The following HUNK variants were observed in gnomAD, a reference collection of about 807,000 sequenced individuals.
HUNK encodes hormonally up-regulated Neu-associated kinase.
Under a neutral mutation model 61.0 loss-of-function variants are expected in HUNK, and 21 were observed. The ratio of observed to expected loss-of-function variants is 0.34; its 90% CI spans 0.24 to 0.50. The LOEUF (loss-of-function observed/expected upper bound fraction) is 0.50, where lower values mean the gene tolerates loss of function less well. HUNK is among the 20% of genes least tolerant of loss of function. HUNK has a pLI of 0.98. For synonymous variants in HUNK, 371 were observed against 386.1 expected (o/e 0.96, Z 0.46); for missense variants, 772 against 945.7 (o/e 0.82, Z 2.41).
intron 2 of HUNK, among the ~76,000 whole-genome samples, chr21:31,930,286 A>T (rs1211275873): frequency 6.6e-6 from 1 of 152,208 alleles, no homozygotes; most frequent in Admixed American, 6.5e-5. Flanking sequence ...AGGATTAAAT[A>T]AGTCAATCTG....
Position 31,992,249 on chromosome 21 carries a change from C to T in HUNK, c.1305+2073C>T, listed in dbSNP as rs1235323303. On this transcript the variant is annotated intron_variant, in intron 9 of 10. Coordinates refer to ENST00000270112, the MANE Select transcript of HUNK (RefSeq NM_014586.2). ...CAGGGAAGACTCTGAAGGGAACCAGCTCTCTGGAGCTCAGACCTCAGAGGC... is the reference window on the plus strand; with the variant it reads ...CAGGGAAGACTCTGAAGGGAACCAGTTCTCTGGAGCTCAGACCTCAGAGGC... Among the ~76,000 whole-genome samples the T allele has an allele frequency of 2.0e-5, 3 of 152,226 alleles. No individual in the cohort carries two copies. In the South Asian group the frequency reaches 6.2e-4, roughly 32 times the overall value.
At chr21:31,970,046 A>C (rs1342561553) in intron 6 of HUNK, among the ~76,000 whole-genome samples, 1 of 152,102 alleles carries the variant, frequency 6.6e-6, no homozygotes, top group Non-Finnish European at 1.5e-5. Context: ...TGCACATTTG[A>C]CCAGGCTTGG....
intron 2 of HUNK, among the ~76,000 whole-genome samples, chr21:31,926,358 A>G (rs1449264602): frequency 6.6e-6 from 1 of 152,222 alleles, no homozygotes; most frequent in African/African-American, 2.4e-5. Context: ...TTTATATACT[A>G]TAAAAGTCAC....
In HUNK at chr21:32,001,687, T is replaced by C. The variant is rs546471244; in HGVS notation, c.*2503T>C. 15 of 152,136 alleles carry C rather than the reference T, an allele frequency of 9.9e-5. No homozygotes were observed. The highest frequency in any genetic ancestry group is 3.4e-4 in the African/African-American group (14 of 41,250). 9.4% of individuals were successfully genotyped at this position (152,136 alleles called of 1,614,324 possible). On this transcript the variant is annotated 3_prime_UTR_variant, in exon 11 of 11. Coordinates refer to ENST00000270112, the MANE Select transcript of HUNK (RefSeq NM_014586.2). ...TGTGTGTGTGTGAGCACCTGACAAA[T>C]CTATGAAACCGAGTGAAAGGAGAAA...
chr21:31,919,846 C>T lies in HUNK; in HGVS notation c.262-4622C>T, dbSNP rs183721802. Among the ~76,000 whole-genome samples, 30 of 152,264 alleles carry T rather than the reference C, an allele frequency of 2.0e-4. No individual in the cohort carries two copies. The East Asian group carries it at 5.6e-3, about 28-fold the overall frequency. On this transcript the variant is annotated intron_variant, in intron 1 of 10. Transcript: ENST00000270112. The stretch of plus-strand genomic sequence containing the variant: ...TGCCGGTGAAAGGTGGCGTCATTCC[C>T]CACTGCCAAGGAGGGTCTCTCCATG...
rs2053240624 is a variant in HUNK, at chr21:32,000,792, C to G, written c.*1608C>G. The G allele has an allele frequency of 2.5e-6, 1 of 398,468 alleles. No individual in the cohort carries two copies. The highest frequency in any genetic ancestry group is 4.4e-6 in the Non-Finnish European group (1 of 226,084). The allele number at this position is 398,468 out of a possible 1,614,324, so 24.7% of individuals were successfully genotyped here. The stretch of plus-strand genomic sequence containing the variant: ...CACCAGTGGTGACATCCTTCAGTCC[C>G]TCACATCTCTGACAGAGCGGGACAG... On this transcript the variant is annotated 3_prime_UTR_variant, in exon 11 of 11. Transcript: ENST00000270112.
At chr21:31,920,020 A>C (rs982266946) in intron 1 of HUNK, among the ~76,000 whole-genome samples, 2 of 152,170 alleles carry the variant, frequency 1.3e-5, no homozygotes, top group African/African-American at 4.8e-5. Flanking sequence ...CAGAAGTCTT[A>C]AAAAGTATTG....
intron 6 of HUNK, among the ~76,000 whole-genome samples, chr21:31,972,711 G>A (rs958966143): frequency 1.7e-4 from 26 of 152,146 alleles, no homozygotes; most frequent in African/African-American, 3.4e-4. Flanking sequence ...GCCAGTAATC[G>A]TGCCAATCCC....
rs530437405 is a variant in HUNK at position 31,913,829 on chromosome 21, G to A, written c.262-10639G>A. Reference sequence around the variant, plus strand: ...TGGGACCTGGGAGGGCAAGCAGGGTGTGAGAGGTCAGCAGGGAGAGTAGCC... The same window carrying A: ...TGGGACCTGGGAGGGCAAGCAGGGTATGAGAGGTCAGCAGGGAGAGTAGCC... On this transcript the variant is annotated intron_variant, in intron 1 of 10. Coordinates refer to ENST00000270112, the MANE Select transcript of HUNK (RefSeq NM_014586.2). 2.6e-5 allele frequency among the ~76,000 whole-genome samples: 4 copies of A among 152,082 alleles called. No individual in the cohort carries two copies. In the East Asian group the frequency reaches 7.8e-4, roughly 30 times the overall value.
At chr21:31,958,821 A>C (rs780860525) in intron 4 of HUNK, 22 bp from the exon 5 acceptor site, 1 of 1,559,820 alleles carries the variant, frequency 6.4e-7, no homozygotes, top group East Asian at 2.3e-5. Context: ...CTCCGCTTTC[A>C]TGTGTATGTC....
At chr21:31,989,280 T>C (rs1481354261) in intron 8 of HUNK, among the ~76,000 whole-genome samples, 1 of 152,216 alleles carries the variant, frequency 6.6e-6, no homozygotes, top group African/African-American at 2.4e-5. Context: ...TTTAGGAGAA[T>C]ACAGTTCAAC....
At chr21:31,927,468 C>A (rs1351597926) in intron 2 of HUNK, among the ~76,000 whole-genome samples, 1 of 151,884 alleles carries the variant, frequency 6.6e-6, no homozygotes, top group Non-Finnish European at 1.5e-5. Context: ...ACAGTGAAAC[C>A]CCGTCTCTAC....
intron 7 of HUNK, among the ~76,000 whole-genome samples, chr21:31,982,789 GT>G (rs1193425377): frequency 6.6e-6 from 1 of 151,366 alleles, no homozygotes; most frequent in Non-Finnish European, 1.5e-5. Flanking sequence ...TGTGTGCACT[GT>G]TTTTTGTTTA....
Position 31,988,832 on chromosome 21 carries a change from C to G in HUNK, c.1258-1297C>G, listed in dbSNP as rs547172910. Among the ~76,000 whole-genome samples the G allele has an allele frequency of 6.7e-5, 10 of 150,226 alleles. 1 individual carries two copies. The South Asian group carries it at 8.7e-4, about 13-fold the overall frequency. Reference sequence around the variant, plus strand: ...TCCCCTCGCTTCCTCCTCCTCTCCCCTCCCCTCCCCTCCTTCCTTTTTCTT... The same window carrying G: ...TCCCCTCGCTTCCTCCTCCTCTCCCGTCCCCTCCCCTCCTTCCTTTTTCTT... On this transcript the variant is annotated intron_variant, in intron 8 of 10. Coordinates refer to ENST00000270112, the MANE Select transcript of HUNK (RefSeq NM_014586.2).
At chr21:31,937,344 G>A (rs938697193) in intron 2 of HUNK, among the ~76,000 whole-genome samples, 2 of 152,166 alleles carry the variant, frequency 1.3e-5, no homozygotes, top group South Asian at 4.1e-4. Flanking sequence ...TAGGAAGGAA[G>A]GTAAAAGCAT....
At chr21:31,979,644 T>C (rs1346366508) in intron 7 of HUNK, among the ~76,000 whole-genome samples, 2 of 148,544 alleles carry the variant, frequency 1.3e-5, no homozygotes, top group Non-Finnish European at 3.0e-5. Context: ...GCCTCCCAAG[T>C]AGCTGGGACT....
rs372384937 is a variant in HUNK at position 31,995,836 on chromosome 21, C to T, written c.1374C>T (p.Asp458=). Residue 458 remains aspartate (D), a synonymous_variant, in exon 10 of 11, where the codon GAC becomes GAT. Transcript: ENST00000270112. ...ATCGACCATTCTCCAAGAAGTTGGA[C>T]AAGAACCTGCCCTCGCACAAACAGC... ...FLHRPFSKKL[D]KNLPSHKQPS... 4.3e-6 allele frequency: 7 copies of T among 1,613,944 alleles called. No homozygotes were observed. The highest frequency in any genetic ancestry group is 5.9e-6 in the Non-Finnish European group (7 of 1,179,918).
At chr21:31,946,809 T>G (rs1479224630) in intron 4 of HUNK, among the ~76,000 whole-genome samples, 1 of 152,168 alleles carries the variant, frequency 6.6e-6, no homozygotes, top group African/African-American at 2.4e-5. Flanking sequence ...GAGACGAAGT[T>G]TCACCATGTT....
At chr21:31,963,624 G>A (rs1030359915) in intron 5 of HUNK, among the ~76,000 whole-genome samples, 1 of 152,076 alleles carries the variant, frequency 6.6e-6, no homozygotes, top group African/African-American at 2.4e-5. Flanking sequence ...AGCCTCCCAA[G>A]TAGCTGGGAC....
Sources: gnomAD v4.1 joint callset for allele counts (sites outside exome capture counted in the v4.1 genomes callset) on GRCh38, gnomAD v4.1.1 for gene constraint, MANE v1.5 for transcripts, NCBI Gene and HGNC (gene_info 2026-07-23, HGNC 2026-07-21) for gene names.